Variants in MTRR observed in about 807,000 individuals in gnomAD.
The protein encoded by MTRR is 5-methyltetrahydrofolate-homocysteine methyltransferase reductase.
A neutral mutation model predicts 79.2 loss-of-function variants in MTRR; 63 were observed. The observed-to-expected ratio is 0.80, with a 90% CI of 0.65 to 0.98. The LOEUF is 0.98. Ranked by LOEUF, MTRR falls within the 50% of genes least tolerant of loss-of-function variation. MTRR has a pLI of 0.00. For synonymous variants in MTRR, 355 were observed against 313.3 expected, an observed-to-expected ratio of 1.13 and a Z score of -1.41; for missense variants, 895 against 839.6, an observed-to-expected ratio of 1.07 and a Z score of -0.82.
upstream of MTRR, chr5:7,867,093 TAGTGA>T (rs1561107933): frequency 2.5e-6 from 4 of 1,614,172 alleles, no homozygotes; most frequent in Admixed American, 6.7e-5. Flanking sequence ...AGCTCCTCGT[TAGTGA>T]AATGTGGGAC....
Position 7,892,797 on chromosome 5 carries a change from A to T in MTRR, c.1441A>T (p.Thr481Ser). The T allele has an allele frequency of 6.2e-7, 1 of 1,614,226 alleles. No homozygotes were observed. The change falls in exon 11 of 15, where the codon ACA (threonine) becomes TCA (serine). Residue 481 changes from threonine to serine, a missense_variant. Coordinates refer to ENST00000440940, the MANE Select transcript of MTRR (RefSeq NM_002454.3). The part of the protein sequence containing the change: ...NIVEFLSTAT[T>S]EVLRKGVCTG... ...TGTGGAATTTCTGTCTACTGCCACA[A>T]CAGAGGTTCTGCGGAAGGGAGTATG...
At chr5:7,875,672 GTTC>G (rs1197794564) in intron 4 of MTRR, among the ~76,000 whole-genome samples, 1 of 152,178 alleles carries the variant, frequency 6.6e-6, no homozygotes, top group Non-Finnish European at 1.5e-5. Flanking sequence ...AAATCAGCTT[GTTC>G]TTTAGGAACT....
chr5:7,874,843 C>T (rs1313184742), intron 3 of MTRR, among the ~76,000 whole-genome samples: 2 of 152,076 alleles, frequency 1.3e-5, no homozygotes, highest in Admixed American at 6.5e-5. Flanking sequence ...ACTTTATTTA[C>T]AAAGAAAGGC....
chr5:7,860,152 A>G (rs1746432049), intron 1 of MTRR, among the ~76,000 whole-genome samples: 1 of 152,230 alleles, frequency 6.6e-6, no homozygotes, highest in Admixed American at 6.5e-5. Context: ...CAGTAAAGAA[A>G]CATTGAAGCT....
rs1737824362 is a variant in MTRR, at chr5:7,892,757, T to G, written c.1401T>G (p.His467Gln). ...GTTTATTTCACCCAGGAAAGCTCCA[T>G]TTTGTCTTCAACATTGTGGAATTTC... The part of the protein sequence containing the change: ...SSSLFHPGKL[H>Q]FVFNIVEFLS... Residue 467 changes from histidine (H) to glutamine (Q), a missense_variant, in exon 11 of 15, where the codon CAT becomes CAG. By Grantham distance (24) the His-to-Gln change is conservative. Transcript: ENST00000440940. The G allele has an allele frequency of 6.2e-7, 1 of 1,614,228 alleles. No homozygotes were observed. Among genetic ancestry groups the G allele is most frequent in the Non-Finnish European group, 8.5e-7 (1 of 1,180,038 alleles).
chr5:7,857,599 C>T (rs1746286172), intron 1 of MTRR, among the ~76,000 whole-genome samples: 1 of 152,208 alleles, frequency 6.6e-6, no homozygotes, highest in Non-Finnish European at 1.5e-5. Flanking sequence ...GGCTCTCTCT[C>T]ACTGCCCAGG....
chr5:7,882,460 CCTT>C (rs1484142559), intron 5 of MTRR, among the ~76,000 whole-genome samples: 1 of 152,156 alleles, frequency 6.6e-6, no homozygotes, highest in Non-Finnish European at 1.5e-5. Context: ...CCAGAACTGA[CCTT>C]CATCCCAGCT....
intron 4 of MTRR, among the ~76,000 whole-genome samples, chr5:7,877,308 A>G (rs1402722829): frequency 2.6e-5 from 4 of 152,128 alleles, no homozygotes; most frequent in African/African-American, 9.7e-5. Flanking sequence ...TTTATGATGA[A>G]TTCAACTTTC....
intron 4 of MTRR, 145 bp downstream of exon 4, chr5:7,875,520 G>A (rs1561169852): frequency 1.3e-6 from 1 of 792,698 alleles, no homozygotes; most frequent in Non-Finnish European, 2.2e-6. Flanking sequence ...GGATCCAAGA[G>A]GGTCAGCCAG....
upstream of MTRR, among the ~76,000 whole-genome samples, chr5:7,864,537 T>A (rs1443645138): frequency 6.6e-6 from 1 of 152,182 alleles, no homozygotes; most frequent in Non-Finnish European, 1.5e-5. Context: ...ATATCTGTTT[T>A]ACAATGAGTC....
intron 1 of MTRR, among the ~76,000 whole-genome samples, chr5:7,853,967 A>T (rs1746150632): frequency 1.3e-5 from 2 of 152,208 alleles, no homozygotes; most frequent in South Asian, 4.1e-4. Context: ...GGCCCTGAGG[A>T]TGCAGGGCAG....
upstream of MTRR, chr5:7,868,967 G>T (rs750255332): frequency 3.8e-6 from 3 of 788,022 alleles, no homozygotes. Context: ...GAGACCCCGC[G>T]TTGACACCTA....
At chr5:7,879,723 T>C (rs888925924) in intron 5 of MTRR, among the ~76,000 whole-genome samples, 8 of 152,206 alleles carry the variant, frequency 5.3e-5, no homozygotes, top group African/African-American at 1.9e-4. Flanking sequence ...GAAGCTGAGC[T>C]GCGATGCAGT....
At chr5:7,862,718 C>T in intron 2 of MTRR, 1 of 965,740 alleles carries the variant, frequency 1.0e-6, no homozygotes, top group Non-Finnish European at 1.6e-6. Flanking sequence ...GGGACCATTC[C>T]ATTTTGCATT....
At chr5:7,897,340 T>C in intron 14 of MTRR, 93 bp downstream of exon 14, 1 of 1,254,938 alleles carries the variant, frequency 8.0e-7, no homozygotes, top group South Asian at 1.2e-5. Context: ...AATCTAGATA[T>C]GTAGGGATAA....
Position 7,892,840 on chromosome 5 carries a change from T to C in MTRR, c.1484T>C (p.Leu495Ser). 2 of 1,614,232 alleles carry C rather than the reference T, an allele frequency of 1.2e-6. No homozygotes were observed. Among genetic ancestry groups the C allele is most frequent in the Non-Finnish European group, 1.7e-6 (2 of 1,180,038 alleles). Reference protein sequence around the residue: ...RKGVCTGWLALLVASVLQPNI... With the variant: ...RKGVCTGWLASLVASVLQPNI... ...GGAGTATGTACAGGCTGGCTGGCCT[T>C]GTTGGTTGCTTCAGTTCTTCAGCCA... Residue 495 changes from leucine (L) to serine (S), a missense_variant, in exon 11 of 15, where the codon TTG (leucine) becomes TCG (serine). Physicochemically the swap from Leu to Ser is moderately radical, Grantham distance 145. Transcript: ENST00000440940.
intron 1 of MTRR, 133 bp downstream of exon 1, chr5:7,869,348 G>A (rs1359484046): frequency 2.1e-6 from 2 of 964,572 alleles, no homozygotes; most frequent in Non-Finnish European, 3.1e-6. Context: ...GGCCTCCGGG[G>A]GTCGCCGCGG....
chr5:7,880,645 A>G (rs1443475487), intron 5 of MTRR, among the ~76,000 whole-genome samples: 1 of 152,048 alleles, frequency 6.6e-6, no homozygotes, highest in Non-Finnish European at 1.5e-5. Context: ...CTCTTGTTCT[A>G]TCTTGGTGTT....
chr5:7,858,181 A>G (rs1195625612), intron 1 of MTRR, among the ~76,000 whole-genome samples: 5 of 152,170 alleles, frequency 3.3e-5, no homozygotes, highest in African/African-American at 1.2e-4. Flanking sequence ...GTTCACTAAA[A>G]AGGCAGAAAA....
Sources: gnomAD v4.1 joint callset for allele counts (sites outside exome capture counted in the v4.1 genomes callset) on GRCh38, gnomAD v4.1.1 for gene constraint, MANE v1.5 for transcripts, NCBI Gene and HGNC (gene_info 2026-07-23, HGNC 2026-07-21) for gene names.